The following LONP2 variants were observed in gnomAD, a reference collection of about 807,000 sequenced individuals.
LONP2 encodes lon peptidase 2, peroxisomal, also known as lon protease homolog 2, peroxisomal.
Under a neutral mutation model 85.6 loss-of-function variants are expected in LONP2, and 60 were observed. The ratio of observed to expected loss-of-function variants is 0.70; its 90% CI spans 0.57 to 0.87. The LOEUF (loss-of-function observed/expected upper bound fraction) is 0.87, where lower values mean the gene tolerates loss of function less well. Ranked by LOEUF, LONP2 falls within the 40% of genes least tolerant of loss-of-function variation. LONP2 has a pLI of 0.00. For missense variants in LONP2, 860 were observed against 1,063.5 expected (o/e 0.81, Z 2.66); for synonymous variants, 395 against 389.7 (o/e 1.01, Z -0.16).
chr16:48,294,583 T>C (rs992131581), intron 8 of LONP2, among the ~76,000 whole-genome samples: 1 of 152,014 alleles, frequency 6.6e-6, no homozygotes, highest in African/African-American at 2.4e-5. Flanking sequence ...CTGGCCAACA[T>C]GGTGAAACCC....
intron 12 of LONP2, among the ~76,000 whole-genome samples, chr16:48,338,720 C>T (rs145998227): frequency 0.011 from 1,624 of 152,100 alleles, 12 homozygotes; most frequent in Non-Finnish European, 0.015. Context: ...CCAGCCTGGG[C>T]GACACGGCAA....
intron 8 of LONP2, among the ~76,000 whole-genome samples, chr16:48,285,697 T>C (rs1168404288): frequency 6.6e-6 from 1 of 152,164 alleles, no homozygotes; most frequent in African/African-American, 2.4e-5. Context: ...ATTTTTATTA[T>C]TTATCTTTGT....
chr16:48,311,313 A>T (rs1325557721), intron 11 of LONP2, among the ~76,000 whole-genome samples: 1 of 151,168 alleles, frequency 6.6e-6, no homozygotes, highest in African/African-American at 2.4e-5. Context: ...TGTCTTATGT[A>T]ATCCCTTACT....
rs1971817117 is a variant in LONP2, at chr16:48,258,757, A to G, written c.723+17A>G. 1.3e-6 allele frequency: 2 copies of G among 1,583,972 alleles called. 1 individual carries two copies. Among genetic ancestry groups the G allele is most frequent in the Non-Finnish European group, 1.7e-6 (2 of 1,170,668 alleles). On this transcript the variant is annotated intron_variant, in intron 4 of 14. Coordinates refer to ENST00000285737, the MANE Select transcript of LONP2 (RefSeq NM_031490.5). ...GATAAGAGGGTAAATATTTATTTTA[A>G]CCCATTTCAGTTTTGAAAAAAAAAT...
intron 12 of LONP2, among the ~76,000 whole-genome samples, chr16:48,342,038 G>T (rs531879252): frequency 1.3e-5 from 2 of 152,308 alleles, no homozygotes; most frequent in Non-Finnish European, 2.9e-5. Flanking sequence ...AATCAGGCTA[G>T]TTTTAGCAAA....
In LONP2 at chr16:48,244,338, A is replaced by G; in HGVS notation, c.-51A>G. 7.4e-7 allele frequency: 1 copy of G among 1,347,012 alleles called. No individual in the cohort carries two copies. Among genetic ancestry groups the G allele is most frequent in the South Asian group, 1.4e-5 (1 of 69,786 alleles). 83.4% of individuals were successfully genotyped at this position (1,347,012 alleles called of 1,614,324 possible). Reference sequence around the variant, plus strand: ...GGTGACTGCGGGGCAGGCCGGGGGCAGCTGTCTGTCTGGCTCTTTTTGACA... The same window carrying G: ...GGTGACTGCGGGGCAGGCCGGGGGCGGCTGTCTGTCTGGCTCTTTTTGACA... On this transcript the variant is annotated 5_prime_UTR_variant, in exon 1 of 15. Transcript: ENST00000285737.
chr16:48,315,845 T>C (rs1025515132), intron 11 of LONP2, among the ~76,000 whole-genome samples: 12 of 152,192 alleles, frequency 7.9e-5, no homozygotes, highest in South Asian at 2.1e-4. Context: ...TTGTTAATTT[T>C]TCTCTCTCAT....
At chr16:48,333,583 G>T (rs764312257) in intron 11 of LONP2, among the ~76,000 whole-genome samples, 2 of 151,584 alleles carry the variant, frequency 1.3e-5, no homozygotes, top group Non-Finnish European at 2.9e-5. Flanking sequence ...AGTGAGGATC[G>T]CTTGAGCCCA....
chr16:48,275,816 GA>G (rs1386007451), intron 7 of LONP2, among the ~76,000 whole-genome samples: 2 of 152,116 alleles, frequency 1.3e-5, no homozygotes, highest in Non-Finnish European at 2.9e-5. Context: ...GGAAGCAATG[GA>G]AAGTGTAAGA....
intron 12 of LONP2, chr16:48,345,354 G>T (rs571868575): frequency 6.6e-6 from 1 of 152,220 alleles, no homozygotes; most frequent in Non-Finnish European, 1.5e-5. Flanking sequence ...TAACAAAATT[G>T]TACCAAATGA....
At chr16:48,329,719 A>G (rs958693157) in intron 11 of LONP2, among the ~76,000 whole-genome samples, 2 of 152,126 alleles carry the variant, frequency 1.3e-5, no homozygotes, top group African/African-American at 4.8e-5. Flanking sequence ...GTGAAATGTT[A>G]TATCCTCCCC....
At chr16:48,340,186 G>T (rs1251685850) in intron 12 of LONP2, among the ~76,000 whole-genome samples, 4 of 152,192 alleles carry the variant, frequency 2.6e-5, no homozygotes, top group Non-Finnish European at 5.9e-5. Context: ...AATAAGGCCT[G>T]AAAGTTGCAA....
intron 8 of LONP2, among the ~76,000 whole-genome samples, chr16:48,289,168 A>G (rs1972508866): frequency 6.6e-6 from 1 of 152,180 alleles, no homozygotes; most frequent in Non-Finnish European, 1.5e-5. Context: ...AACCCGGAAA[A>G]TTTGAGACAG....
intron 2 of LONP2, among the ~76,000 whole-genome samples, chr16:48,256,274 G>A (rs1334517955): frequency 6.6e-6 from 1 of 152,198 alleles, no homozygotes; most frequent in Admixed American, 6.5e-5. Flanking sequence ...CTGGAAGAAG[G>A]ATGTACAGGA....
At chr16:48,347,394 T>G in intron 12 of LONP2, 113 bp from the exon 13 acceptor site, 4 of 943,672 alleles carry the variant, frequency 4.2e-6, no homozygotes, top group Non-Finnish European at 6.8e-6. Flanking sequence ...ACAAGGACTT[T>G]GAGGTAAGTG....
At chr16:48,262,341 A>G (rs1282522025) in intron 5 of LONP2, among the ~76,000 whole-genome samples, 6 of 152,196 alleles carry the variant, frequency 3.9e-5, no homozygotes, top group Non-Finnish European at 8.8e-5. Flanking sequence ...AAGTAAACCA[A>G]TGGATATATG....
rs1416147077 is a variant in LONP2, at chr16:48,356,674, A to G, written c.*4872A>G. 1.3e-5 allele frequency: 5 copies of G among 390,790 alleles called. No individual in the cohort carries two copies. The highest frequency in any genetic ancestry group is 2.1e-5 in the African/African-American group (1 of 47,966). 24.2% of individuals were successfully genotyped at this position (390,790 alleles called of 1,614,324 possible). A position where few individuals can be genotyped will look rare whatever the true frequency, so the allele number is the denominator to read the frequency against. ...ACAAAAATGCTGAAAGAGGAAGGAA[A>G]TATCAAAAAGGTCTGAATAGACAAC... On this transcript the variant is annotated 3_prime_UTR_variant, in exon 15 of 15. Transcript: ENST00000285737.
At chr16:48,323,278 C>G (rs1177340650) in intron 11 of LONP2, among the ~76,000 whole-genome samples, 1 of 152,132 alleles carries the variant, frequency 6.6e-6, no homozygotes, top group Non-Finnish European at 1.5e-5. Flanking sequence ...TCTCTAAATT[C>G]ATTTTGATGG....
At chr16:48,333,913 G>A (rs546318750) in intron 11 of LONP2, among the ~76,000 whole-genome samples, 137 of 152,280 alleles carry the variant, frequency 9.0e-4, no homozygotes, top group Non-Finnish European at 1.7e-3. Context: ...AGAATATAAT[G>A]GTCAAAAAGG....
Sources: allele counts gnomAD v4.1 joint callset (sites outside exome capture counted in the v4.1 genomes callset), GRCh38; gene constraint gnomAD v4.1.1; transcripts MANE v1.5; gene names NCBI Gene and HGNC (gene_info 2026-07-23, HGNC 2026-07-21).